The following NUMA1 variants were observed in gnomAD, a reference collection of about 807,000 sequenced individuals.
NUMA1 encodes the protein nuclear mitotic apparatus protein 1, also known as SP-H antigen.
A neutral mutation model predicts 237.1 loss-of-function variants in NUMA1; 62 were observed. The observed-to-expected ratio is 0.26, with a 90% CI of 0.21 to 0.32. NUMA1 has a LOEUF of 0.32. NUMA1 is among the 10% of genes least tolerant of loss of function. NUMA1 has a pLI of 1.00. For missense variants in NUMA1, 2,533 were observed against 2,666.5 expected (o/e 0.95, Z 1.10); for synonymous variants, 1,028 against 1,066.1 (o/e 0.96, Z 0.70).
At chr11:72,030,845 C>T (rs1940211831) in intron 3 of NUMA1, among the ~76,000 whole-genome samples, 1 of 152,178 alleles carries the variant, frequency 6.6e-6, no homozygotes, top group Non-Finnish European at 1.5e-5. Context: ...GGGCCCAGCT[C>T]CTCCACAAAC....
chr11:72,040,445 T>TACAC (rs66621771), intron 2 of NUMA1, among the ~76,000 whole-genome samples: 16 of 136,544 alleles, frequency 1.2e-4, no homozygotes, highest in Admixed American at 5.1e-4. Flanking sequence ...CGCGTACACA[T>TACAC]ACACACACAC....
Position 72,013,398 on chromosome 11 carries a change from G to C in NUMA1, c.4105C>G (p.Gln1369Glu), listed in dbSNP as rs1956279525. 8 of 1,612,540 alleles carry C rather than the reference G, an allele frequency of 5.0e-6. No individual in the cohort carries two copies. The highest frequency in any genetic ancestry group is 6.8e-6 in the Non-Finnish European group (8 of 1,179,902). The change falls in exon 15 of 27, where the codon CAG becomes GAG. Residue 1369 changes from glutamine to glutamate, a missense_variant. By Grantham distance (29) the Gln-to-Glu change is conservative (BLOSUM62 2). This residue lies in a region of NUMA1 where 324 missense variants were observed against 407.6 expected (regional missense o/e 0.79). Coordinates refer to ENST00000393695, the MANE Select transcript of NUMA1 (RefSeq NM_006185.4). The surrounding 1 kb of genome is among the most constrained non-coding windows in gnomAD (Gnocchi z 6.8). ...ELLPAKHLCQ[Q>E]LQAEQAAAEK... ...GCAGCGGCCTGCTCGGCCTGCAGCT[G>C]CTGGCAGAGGTGCTTAGCTGGCAGC... is the stretch of plus-strand genomic sequence containing the variant.
intron 24 of NUMA1, 47 bp from the exon 25 acceptor site, chr11:72,004,388 A>ACCTGGCT: frequency 6.5e-7 from 1 of 1,537,562 alleles, no homozygotes; most frequent in Non-Finnish European, 9.0e-7. Context: ...GAGGAGTCAC[A>ACCTGGCT]TCTGAAGCCA....
chr11:72,022,956 A>G, intron 6 of NUMA1, 109 bp downstream of exon 6: 1 of 758,006 alleles, frequency 1.3e-6, no homozygotes, highest in Non-Finnish European at 2.3e-6. Context: ...AGCCCCAGAA[A>G]TAAAGCACCC....
chr11:72,030,767 C>T (rs914292250), intron 3 of NUMA1, among the ~76,000 whole-genome samples: 1 of 152,226 alleles, frequency 6.6e-6, no homozygotes, highest in Non-Finnish European at 1.5e-5. Context: ...TATGTGCAGA[C>T]AACTAGATTC....
Position 72,007,323 on chromosome 11 carries a change from G to A in NUMA1, c.5329C>T (p.Pro1777Ser), listed in dbSNP as rs61741222. 3.1e-6 allele frequency: 5 copies of A among 1,613,516 alleles called. No individual in the cohort carries two copies. In the Middle Eastern group the frequency reaches 5.0e-4, roughly 160 times the overall value. ...GGGGCCTGACTCCGAGCAGGGATGG[G>A]AGTGAAGTAGAGACTCTCCAGGGAT... is the stretch of plus-strand genomic sequence containing the variant. ...VESLESLYFT[P>S]IPARSQAPLE... The change falls in exon 21 of 27, where the codon CCC (proline) becomes TCC (serine). Residue 1777 changes from proline (P) to serine (S), a missense_variant. By Grantham distance (74) the Pro-to-Ser change is moderately conservative. This residue lies in a region of NUMA1 where 795 missense variants were observed against 750.8 expected (regional missense o/e 1.06). Transcript: ENST00000393695.
At position 72,014,813 on chromosome 11, in the gene NUMA1, T is replaced by C; in HGVS notation, c.2690A>G (p.Lys897Arg). The C allele has an allele frequency of 6.2e-7, 1 of 1,614,190 alleles. No homozygotes were observed. Among genetic ancestry groups the C allele is most frequent in the South Asian group, 1.1e-5 (1 of 91,086 alleles). Residue 897 changes from lysine to arginine, a missense_variant, in exon 15 of 27, where the codon AAG becomes AGG. Physicochemically the swap from Lys to Arg is conservative, Grantham distance 26. Coordinates refer to ENST00000393695, the MANE Select transcript of NUMA1 (RefSeq NM_006185.4). This position sits in a 1 kb window ranked among gnomAD's most constrained non-coding sequence, Gnocchi z 4.6. ...CAGAGTGGAGAGGTCATCTGCAAGC[T>C]TCTGGGCCCTGACTTCCTTCTCTTG... ...QVQEKEVRAQ[K>R]LADDLSTLQE...
chr11:72,003,828 T>C, intron 26 of NUMA1, 59 bp downstream of exon 26: 1 of 1,562,496 alleles, frequency 6.4e-7, no homozygotes, highest in Non-Finnish European at 8.8e-7. Flanking sequence ...GGTGGGGCGG[T>C]CTGGGGGGTG....
At position 72,013,894 on chromosome 11, in the gene NUMA1, G is replaced by A; in HGVS notation, c.3609C>T (p.Ser1203=). The A allele has an allele frequency of 6.2e-7, 1 of 1,613,972 alleles. No homozygotes were observed. ...GGGCCTTCCACTCATCTTCAGCCTT[G>A]CTGTGGTCTTGTACCTTGGTGCGGA... The part of the protein sequence containing the change: ...AAFRTKVQDH[S]KAEDEWKAQV... The change falls in exon 15 of 27, where the codon AGC becomes AGT. Residue 1203 remains serine, a synonymous_variant. Coordinates refer to ENST00000393695, the MANE Select transcript of NUMA1 (RefSeq NM_006185.4). The surrounding 1 kb of genome is among the most constrained non-coding windows in gnomAD (Gnocchi z 6.8).
intron 12 of NUMA1, 54 bp downstream of exon 12, chr11:72,018,129 C>T: frequency 7.5e-7 from 1 of 1,325,106 alleles, no homozygotes; most frequent in East Asian, 2.3e-5. Context: ...GGGGAGCCTT[C>T]CAGACCACCT....
chr11:72,073,484 C>G (rs901858484), intron 1 of NUMA1, among the ~76,000 whole-genome samples: 1 of 152,132 alleles, frequency 6.6e-6, no homozygotes, highest in African/African-American at 2.4e-5. Flanking sequence ...AGAGGACTTG[C>G]AGAGGAAGAA....
In NUMA1 at chr11:72,008,844, A is replaced by C; in HGVS notation, c.5060T>G (p.Val1687Gly). 6.2e-7 allele frequency: 1 copy of C among 1,614,108 alleles called. No homozygotes were observed. Among genetic ancestry groups the C allele is most frequent in the Non-Finnish European group, 8.5e-7 (1 of 1,180,018 alleles). Residue 1687 changes from valine to glycine, a missense_variant and splice_region_variant, in exon 20 of 27, where the codon GTT becomes GGT. Val to Gly is a moderately radical substitution (Grantham distance 109). Coordinates refer to ENST00000393695, the MANE Select transcript of NUMA1 (RefSeq NM_006185.4). Reference sequence around the variant, plus strand: ...TCGAAGCTGCTGGTCTGCATGGGCAACCTGAGAAGGAGAGGGCCAGGGGGA... The same window carrying C: ...TCGAAGCTGCTGGTCTGCATGGGCACCCTGAGAAGGAGAGGGCCAGGGGGA... ...TAQVRSLEAQ[V>G]AHADQQLRDL...
Position 72,014,376 on chromosome 11 carries a change from C to A in NUMA1, c.3127G>T (p.Val1043Leu), listed in dbSNP as rs370201182. ...RLQNALNEQR[V>L]EFATLQEALA... ...GCCTCTTGCAGGGTAGCGAACTCCA[C>A]ACGCTGCTCGTTGAGGGCGTTCTGC... Residue 1043 changes from valine (V) to leucine (L), a missense_variant, in exon 15 of 27, where the codon GTG becomes TTG. This residue lies in a region of NUMA1 where 1,414 missense variants were observed against 1,508.1 expected (regional missense o/e 0.94). Transcript: ENST00000393695. This position sits in a 1 kb window ranked among gnomAD's most constrained non-coding sequence, Gnocchi z 4.6. 16 of 1,612,946 alleles carry A rather than the reference C, an allele frequency of 9.9e-6. No individual in the cohort carries two copies. The highest frequency in any genetic ancestry group is 1.4e-5 in the Non-Finnish European group (16 of 1,180,040).
At position 72,015,248 on chromosome 11, in the gene NUMA1, C is replaced by T. The variant is rs771552205; in HGVS notation, c.2255G>A (p.Arg752Gln). 6.6e-5 allele frequency: 107 copies of T among 1,613,524 alleles called. No individual in the cohort carries two copies. Among genetic ancestry groups the T allele is most frequent in the Non-Finnish European group, 8.8e-5 (104 of 1,180,036 alleles). The part of the protein sequence containing the change: ...ETRSLVEQHK[R>Q]ERKELEEERA... ...CTCTTCTTCCAGCTCCTTTCGTTCC[C>T]GCTTATGCTGCTCCACCAGGCTTCG... is the stretch of plus-strand genomic sequence containing the variant. Residue 752 changes from arginine to glutamine, a missense_variant, in exon 15 of 27, where the codon CGG (arginine) becomes CAG (glutamine). This residue lies in a region of NUMA1 where 1,414 missense variants were observed against 1,508.1 expected (regional missense o/e 0.94). Coordinates refer to ENST00000393695, the MANE Select transcript of NUMA1 (RefSeq NM_006185.4). This position sits in a 1 kb window ranked among gnomAD's most constrained non-coding sequence, Gnocchi z 4.0.
rs1370269850 is a variant in NUMA1, at chr11:72,014,145, G to A, written c.3358C>T (p.Pro1120Ser). Residue 1120 changes from proline to serine, a missense_variant, in exon 15 of 27, where the codon CCC (proline) becomes TCC (serine). By Grantham distance (74) the Pro-to-Ser change is moderately conservative. Transcript: ENST00000393695. The surrounding 1 kb of genome is among the most constrained non-coding windows in gnomAD (Gnocchi z 4.6). ...TCTGCCCGCAGTGCCTCCAGCTTGG[G>A]GCCTGTTGGCTCTGTCCTGCCAGCA... ...EAAGRTEPTGPKLEALRAEVS... is the reference protein window; with the variant it reads ...EAAGRTEPTGSKLEALRAEVS... 1.2e-6 allele frequency: 2 copies of A among 1,613,036 alleles called. No individual in the cohort carries two copies. Among genetic ancestry groups the A allele is most frequent in the South Asian group, 2.2e-5 (2 of 91,086 alleles).
intron 1 of NUMA1, among the ~76,000 whole-genome samples, chr11:72,070,830 C>G (rs1943414526): frequency 6.6e-6 from 1 of 152,176 alleles, no homozygotes; most frequent in Non-Finnish European, 1.5e-5. Context: ...CGCTGCACCC[C>G]CCTAAAGGCA....
rs201462928 is a variant in NUMA1 at position 72,013,408 on chromosome 11, G to A, written c.4095C>T (p.His1365=). Residue 1365 remains histidine, a synonymous_variant, in exon 15 of 27, where the codon CAC becomes CAT. Coordinates refer to ENST00000393695, the MANE Select transcript of NUMA1 (RefSeq NM_006185.4). The surrounding 1 kb of genome is among the most constrained non-coding windows in gnomAD (Gnocchi z 6.8). ...GCTCGGCCTGCAGCTGCTGGCAGAG[G>A]TGCTTAGCTGGCAGCAGCTCACTCA... ...ALVSELLPAK[H]LCQQLQAEQA... 2 of 1,612,780 alleles carry A rather than the reference G, an allele frequency of 1.2e-6. No individual in the cohort carries two copies. The highest frequency in any genetic ancestry group is 2.7e-5 in the African/African-American group (2 of 75,056).
rs1281465115 is a variant in NUMA1 at position 72,010,777 on chromosome 11, C to G, written c.4719+9G>C. On this transcript the variant is annotated intron_variant, in intron 17 of 26. Coordinates refer to ENST00000393695, the MANE Select transcript of NUMA1 (RefSeq NM_006185.4). ...CCAGAGGCCAGACCCATTCCCCCAG[C>G]TGCCCCACCTTCAGCTTCTGCTGCT... The G allele has an allele frequency of 1.2e-6, 2 of 1,612,878 alleles. No homozygotes were observed. The highest frequency in any genetic ancestry group is 2.2e-5 in the South Asian group (2 of 91,036).
At chr11:72,033,294 G>A (rs1392947889) in intron 3 of NUMA1, among the ~76,000 whole-genome samples, 6 of 151,856 alleles carry the variant, frequency 4.0e-5, no homozygotes. Flanking sequence ...CCAAGTAGCA[G>A]GGACTACAGG....
Sources: gnomAD v4.1 joint callset for allele counts (sites outside exome capture counted in the v4.1 genomes callset) on GRCh38, gnomAD v4.1.1 for gene constraint, gnomAD v4.1.1 regional missense constraint, Gnocchi (gnomAD v3.1) non-coding constraint, MANE v1.5 for transcripts, NCBI Gene and HGNC (gene_info 2026-07-23, HGNC 2026-07-21) for gene names.